PRKG1: variants seen among roughly 807,000 people sequenced by gnomAD.
PRKG1 encodes the protein cGMP-dependent protein kinase 1.
A neutral mutation model predicts 88.1 loss-of-function variants in PRKG1; 35 were observed. The observed-to-expected ratio is 0.40, with a 90% confidence interval of 0.30 to 0.53. The LOEUF is 0.53. Ranked by LOEUF, PRKG1 falls within the 20% of genes least tolerant of loss-of-function variation. PRKG1 has a pLI of 0.59. For missense variants in PRKG1, 540 were observed against 839.8 expected (o/e 0.64, Z 4.41); for synonymous variants, 303 against 292.5 (o/e 1.04, Z -0.37).
intron 3 of PRKG1, among the ~76,000 whole-genome samples, chr10:51,725,499 G>A (rs1474663256): frequency 2.6e-5 from 4 of 151,432 alleles, no homozygotes; most frequent in South Asian, 2.1e-4. Context: ...GCCTGTATAT[G>A]AGTCCATGCT....
chr10:51,380,591 G>A (rs1469026793), intron 2 of PRKG1, among the ~76,000 whole-genome samples: 2 of 152,094 alleles, frequency 1.3e-5, no homozygotes, highest in Admixed American at 6.6e-5. Context: ...CCTGAGGTCA[G>A]GAGTTCAAGA....
intron 8 of PRKG1, among the ~76,000 whole-genome samples, chr10:52,152,001 G>A (rs535172828): frequency 4.3e-4 from 65 of 152,066 alleles, no homozygotes; most frequent in Admixed American, 2.9e-3. Context: ...CACTTTACCC[G>A]TATTTATACC....
intron 2 of PRKG1, among the ~76,000 whole-genome samples, chr10:51,458,518 C>T (rs752972945): frequency 2.6e-5 from 4 of 151,830 alleles, no homozygotes; most frequent in Non-Finnish European, 5.9e-5. Flanking sequence ...AAAGCTTCAT[C>T]ACACACAAAG....
chr10:51,437,981 T>G (rs1290853537), intron 2 of PRKG1, among the ~76,000 whole-genome samples: 1 of 151,712 alleles, frequency 6.6e-6, no homozygotes, highest in African/African-American at 2.4e-5. Flanking sequence ...TTAAAAACAT[T>G]GCTGCTGAAA....
chr10:51,839,978 G>A (rs1348199282), intron 4 of PRKG1, among the ~76,000 whole-genome samples: 1 of 152,174 alleles, frequency 6.6e-6, no homozygotes, highest in Non-Finnish European at 1.5e-5. Context: ...GTAAGTGACA[G>A]CCCTGTTTTC....
At chr10:51,541,708 A>T (rs1842307597) in intron 3 of PRKG1, among the ~76,000 whole-genome samples, 1 of 152,130 alleles carries the variant, frequency 6.6e-6, no homozygotes, top group Non-Finnish European at 1.5e-5. Context: ...ATTGCTTAAA[A>T]GGAAAGATAA....
intron 1 of PRKG1, among the ~76,000 whole-genome samples, chr10:50,997,047 T>A (rs1419708497): frequency 6.6e-6 from 1 of 152,204 alleles, no homozygotes; most frequent in African/African-American, 2.4e-5. Flanking sequence ...TCATACATGC[T>A]TTCAGTCAAG....
chr10:51,079,403 G>A (rs1396489604), intron 1 of PRKG1, among the ~76,000 whole-genome samples: 3 of 152,164 alleles, frequency 2.0e-5, no homozygotes, highest in African/African-American at 7.2e-5. Flanking sequence ...TTTGAAGAAG[G>A]GCTATGATTT....
At chr10:51,111,640 T>C (rs868507156) in intron 1 of PRKG1, among the ~76,000 whole-genome samples, 19 of 152,180 alleles carry the variant, frequency 1.2e-4, no homozygotes, top group African/African-American at 3.9e-4. Flanking sequence ...AATAGCAGGA[T>C]GCAGGATGCT....
intron 3 of PRKG1, among the ~76,000 whole-genome samples, chr10:51,672,843 C>G (rs1354959903): frequency 6.6e-6 from 1 of 152,168 alleles, no homozygotes; most frequent in Non-Finnish European, 1.5e-5. Flanking sequence ...TACCCTGAGT[C>G]AAGACGAAGC....
intron 9 of PRKG1, among the ~76,000 whole-genome samples, chr10:52,248,283 T>G (rs1354811216): frequency 6.6e-6 from 1 of 152,220 alleles, no homozygotes; most frequent in Admixed American, 6.5e-5. Flanking sequence ...GGCCAGATTT[T>G]GGGGGGCTTG....
chr10:51,278,354 G>A (rs187612134), intron 2 of PRKG1, among the ~76,000 whole-genome samples: 6 of 152,150 alleles, frequency 3.9e-5, no homozygotes, highest in African/African-American at 1.4e-4. Flanking sequence ...GATTCAGTTT[G>A]CCCGTATTCT....
chr10:52,160,229 G>A, intron 8 of PRKG1, among the ~76,000 whole-genome samples: 1 of 151,982 alleles, frequency 6.6e-6, no homozygotes, highest in East Asian at 1.9e-4. Context: ...CATTCTATGG[G>A]AAAGTGGGAA....
chr10:51,771,819 C>G (rs986352265), intron 3 of PRKG1, among the ~76,000 whole-genome samples: 1 of 152,106 alleles, frequency 6.6e-6, no homozygotes, highest in Admixed American at 6.6e-5. Flanking sequence ...GCCTGGCTTT[C>G]TATCTGCCCA....
chr10:51,113,943 ACGTG>A (rs1845040704), intron 1 of PRKG1, among the ~76,000 whole-genome samples: 1 of 112,056 alleles, frequency 8.9e-6, no homozygotes, highest in South Asian at 2.8e-4. Context: ...CAGCCTGTAA[ACGTG>A]TGTGTGTGTG....
chr10:52,171,785 AATTTTTTTTT>A (rs1390303207), intron 9 of PRKG1, among the ~76,000 whole-genome samples: 2 of 122,642 alleles, frequency 1.6e-5, no homozygotes, highest in African/African-American at 7.3e-5. Flanking sequence ...CTTTTATCAA[AATTTTTTTTT>A]TTTTTTTTTT....
chr10:51,197,456 G>C (rs933823394), intron 2 of PRKG1, among the ~76,000 whole-genome samples: 1 of 151,816 alleles, frequency 6.6e-6, no homozygotes, highest in Non-Finnish European at 1.5e-5. Flanking sequence ...ATTTTTAATA[G>C]AGGCGGGGTT....
At chr10:52,291,254 A>ATTTTTTTTAT (rs56884749) in intron 17 of PRKG1, among the ~76,000 whole-genome samples, 3 of 150,484 alleles carry the variant, frequency 2.0e-5, no homozygotes, top group African/African-American at 7.3e-5. Flanking sequence ...TTATTTTTTT[A>ATTTTTTTTAT]TTTTTTTATT....
intron 9 of PRKG1, among the ~76,000 whole-genome samples, chr10:52,207,496 C>T (rs1457011511): frequency 6.6e-6 from 1 of 152,194 alleles, no homozygotes; most frequent in African/African-American, 2.4e-5. Context: ...TTCTGACAGT[C>T]AACCAAAGGC....
Sources: gnomAD v4.1 joint callset for allele counts (sites outside exome capture counted in the v4.1 genomes callset) on GRCh38, gnomAD v4.1.1 for gene constraint, MANE v1.5 for transcripts, NCBI Gene and HGNC (gene_info 2026-07-23, HGNC 2026-07-21) for gene names.